CCDC7: variants seen among roughly 807,000 people sequenced by gnomAD.
CCDC7 encodes coiled-coil domain-containing protein 7.
Under a neutral mutation model 196.9 loss-of-function variants are expected in CCDC7, and 183 were observed. That is an observed-to-expected ratio of 0.93 (90% CI 0.82 to 1.05). CCDC7 has a LOEUF of 1.05. Among genes scored for constraint, CCDC7 ranks in the 50% least tolerant of loss-of-function variants. The pLI, the probability that CCDC7 is intolerant of heterozygous loss-of-function variation, is 0.00. For synonymous variants in CCDC7, 525 were observed against 484.6 expected (o/e 1.08, Z -1.10); for missense variants, 1,540 against 1,482.2 (o/e 1.04, Z -0.64).
intron 16 of CCDC7, among the ~76,000 whole-genome samples, chr10:32,581,763 T>C (rs1450897002): frequency 1.3e-5 from 2 of 152,254 alleles, no homozygotes; most frequent in East Asian, 3.9e-4. Context: ...ATTGCCTGTG[T>C]AGAATCAAGT....
At chr10:32,685,695 C>T (rs1289156131) in intron 21 of CCDC7, among the ~76,000 whole-genome samples, 1 of 152,008 alleles carries the variant, frequency 6.6e-6, no homozygotes, top group Non-Finnish European at 1.5e-5. Flanking sequence ...TTTATGACAT[C>T]TATATGATCT....
At chr10:32,520,010 T>G (rs1292905554) in intron 11 of CCDC7, among the ~76,000 whole-genome samples, 1 of 152,166 alleles carries the variant, frequency 6.6e-6, no homozygotes, top group Admixed American at 6.5e-5. Flanking sequence ...TTTAACATAA[T>G]GACTTCCAGT....
At chr10:32,851,774 T>C (rs2093574189) in intron 39 of CCDC7, 33 bp from the exon 41 acceptor site, 1 of 1,582,066 alleles carries the variant, frequency 6.3e-7, no homozygotes, top group Non-Finnish European at 8.7e-7. Flanking sequence ...TGTCATCTAT[T>C]GTATGGCTAA....
At chr10:32,763,704 A>G (rs2077815643) in intron 28 of CCDC7, among the ~76,000 whole-genome samples, 1 of 151,732 alleles carries the variant, frequency 6.6e-6, no homozygotes, top group Non-Finnish European at 1.5e-5. Flanking sequence ...AGACATGCTA[A>G]GTGAAATAAG....
At chr10:32,692,464 T>G (rs954463027) in intron 23 of CCDC7, among the ~76,000 whole-genome samples, 1 of 152,208 alleles carries the variant, frequency 6.6e-6, no homozygotes. Flanking sequence ...TTCTAAGAGA[T>G]GATTGATTGA....
chr10:32,809,092 CT>C (rs1263033323), intron 30 of CCDC7, among the ~76,000 whole-genome samples: 1 of 152,174 alleles, frequency 6.6e-6, no homozygotes, highest in Middle Eastern at 3.2e-3. Context: ...AAGTTTTGCT[CT>C]GTGAAAGCCA....
intron 18 of CCDC7, among the ~76,000 whole-genome samples, chr10:32,618,332 AATTCT>A (rs2063003398): frequency 6.6e-6 from 1 of 151,608 alleles, no homozygotes; most frequent in East Asian, 1.9e-4. Context: ...GGTTTGATGA[AATTCT>A]ATTGTGATTC....
intron 41 of CCDC7, among the ~76,000 whole-genome samples, chr10:32,865,853 C>T (rs2094183643): frequency 6.6e-6 from 1 of 151,898 alleles, no homozygotes; most frequent in East Asian, 1.9e-4. Flanking sequence ...TTAAGGGTAA[C>T]AGCCACCATG....
chr10:32,752,521 A>G (rs2075817873), intron 28 of CCDC7, among the ~76,000 whole-genome samples: 2 of 152,152 alleles, frequency 1.3e-5, no homozygotes, highest in Non-Finnish European at 2.9e-5. Flanking sequence ...TTCTGTTCAC[A>G]AGAAGGATTT....
chr10:32,817,126 G>T (rs1227905865), intron 31 of CCDC7, among the ~76,000 whole-genome samples: 1 of 152,108 alleles, frequency 6.6e-6, no homozygotes. Flanking sequence ...AATAACCAAT[G>T]CAGAGAAGTC....
At chr10:32,819,045 CA>C (rs1413885427) in intron 31 of CCDC7, among the ~76,000 whole-genome samples, 1 of 151,838 alleles carries the variant, frequency 6.6e-6, no homozygotes, top group African/African-American at 2.4e-5. Context: ...TTGAAAAGAT[CA>C]ACAAAATTGA....
At chr10:32,671,935 A>G (rs1000679556) in intron 21 of CCDC7, among the ~76,000 whole-genome samples, 13 of 152,184 alleles carry the variant, frequency 8.5e-5, no homozygotes, top group Admixed American at 5.2e-4. Context: ...TTCAGTGGCA[A>G]TGACTATTAA....
At chr10:32,780,889 T>G (rs1273157052) in intron 29 of CCDC7, among the ~76,000 whole-genome samples, 1 of 152,134 alleles carries the variant, frequency 6.6e-6, no homozygotes, top group African/African-American at 2.4e-5. Flanking sequence ...TTACAAAAGA[T>G]GCACTTTAGA....
chr10:32,740,638 A>G (rs961474399), intron 28 of CCDC7, among the ~76,000 whole-genome samples: 3 of 152,220 alleles, frequency 2.0e-5, no homozygotes, highest in Admixed American at 6.5e-5. Flanking sequence ...CATGAACCAA[A>G]GAACAAACTT....
At chr10:32,654,674 GGCAT>G (rs1394446749) in intron 20 of CCDC7, among the ~76,000 whole-genome samples, 2 of 152,046 alleles carry the variant, frequency 1.3e-5, no homozygotes, top group Non-Finnish European at 2.9e-5. Context: ...TGTGTCTTGA[GGCAT>G]GCTTTCAATG....
intron 18 of CCDC7, among the ~76,000 whole-genome samples, chr10:32,616,392 C>T (rs961382064): frequency 6.6e-6 from 1 of 151,622 alleles, no homozygotes; most frequent in African/African-American, 2.4e-5. Context: ...TCAAATATTC[C>T]TTGATATTTT....
intron 21 of CCDC7, among the ~76,000 whole-genome samples, chr10:32,683,438 C>G (rs1222453057): frequency 6.6e-6 from 1 of 152,078 alleles, no homozygotes; most frequent in African/African-American, 2.4e-5. Context: ...CTATCTTGGG[C>G]TTTGTTCTTT....
intron 9 of CCDC7, among the ~76,000 whole-genome samples, 181 bp from the exon 11 acceptor site, chr10:32,517,764 A>G (rs1186392711): frequency 3.3e-5 from 5 of 151,960 alleles, no homozygotes; most frequent in African/African-American, 1.2e-4. Flanking sequence ...TAAAACTTAA[A>G]GTATAATAAT....
chr10:32,496,690 C>T (rs555825546), intron 9 of CCDC7, among the ~76,000 whole-genome samples: 58 of 152,152 alleles, frequency 3.8e-4, no homozygotes, highest in African/African-American at 1.2e-3. Flanking sequence ...TGATGGATTA[C>T]GTTTATTGAT....
Sources: gnomAD v4.1 joint callset for allele counts (sites outside exome capture counted in the v4.1 genomes callset) on GRCh38, gnomAD v4.1.1 for gene constraint, MANE v1.5 for transcripts, NCBI Gene and HGNC (gene_info 2026-07-23, HGNC 2026-07-21) for gene names.